ESRRG: variants seen among roughly 807,000 people sequenced by gnomAD.
ESRRG encodes the protein estrogen related receptor gamma.
Under a neutral mutation model 44.0 loss-of-function variants are expected in ESRRG, and 13 were observed. That is an observed-to-expected ratio of 0.30 (90% CI 0.19 to 0.47). The LOEUF (loss-of-function observed/expected upper bound fraction) is 0.47, where lower values mean the gene tolerates loss of function less well. ESRRG is among the 20% of genes least tolerant of loss of function. The probability of loss-of-function intolerance (pLI) is 1.00; values close to 1 mark genes in which losing one functional copy is unlikely to be tolerated. For synonymous variants in ESRRG, 215 were observed against 214.6 expected, an observed-to-expected ratio of 1.00 and a Z score of -0.02; for missense variants, 395 against 580.6, an observed-to-expected ratio of 0.68 and a Z score of 3.29.
chr1:216,521,346 T>C (rs1435517991), intron 5 of ESRRG, among the ~76,000 whole-genome samples: 1 of 152,150 alleles, frequency 6.6e-6, no homozygotes, highest in African/African-American at 2.4e-5. Context: ...AAAACCACAC[T>C]GCTCTTTTTT....
intron 3 of ESRRG, among the ~76,000 whole-genome samples, chr1:216,618,525 T>C (rs2061729509): frequency 6.6e-6 from 1 of 152,222 alleles, no homozygotes; most frequent in African/African-American, 2.4e-5. Context: ...AAATAAGTAA[T>C]ATGTATATAA....
At chr1:217,134,108 T>C (rs991628158) in intron 1 of ESRRG, among the ~76,000 whole-genome samples, 22 of 152,134 alleles carry the variant, frequency 1.4e-4, no homozygotes, top group African/African-American at 5.3e-4. Flanking sequence ...CCCCGGGTCC[T>C]GTCTGAACCA....
chr1:216,808,625 T>C lies in ESRRG; in HGVS notation c.-14+130957A>G, dbSNP rs150706456. On this transcript the variant is annotated intron_variant, in intron 2 of 7. Coordinates refer to the ESRRG transcript ENST00000359162. ...ATTTTTTGTAGATGGGGTTTTGCCA[T>C]GTTGCCCAGGCTAGTCTTGAACTCC... Among the ~76,000 whole-genome samples the C allele has an allele frequency of 2.2e-3, 337 of 152,172 alleles. 2 individuals are homozygous for C. The highest frequency in any genetic ancestry group is 7.7e-3 in the African/African-American group (321 of 41,538).
chr1:216,860,317 A>T (rs1049773735), intron 2 of ESRRG, among the ~76,000 whole-genome samples: 5 of 152,096 alleles, frequency 3.3e-5, no homozygotes, highest in Non-Finnish European at 7.4e-5. Context: ...GCAGACAAAG[A>T]CATTAAAACA....
At chr1:216,564,093 TA>T (rs1316115724) in intron 5 of ESRRG, 125 bp downstream of exon 5, 9 of 510,754 alleles carry the variant, frequency 1.8e-5, no homozygotes, top group Non-Finnish European at 3.0e-5. Flanking sequence ...AAATTATGAT[TA>T]AAAATAAATG....
intron 2 of ESRRG, among the ~76,000 whole-genome samples, chr1:216,796,845 GCAT>G (rs2094482124): frequency 6.6e-6 from 1 of 151,966 alleles, no homozygotes; most frequent in Admixed American, 6.6e-5. Context: ...CAAAATGTCA[GCAT>G]CACTTTTTTA....
chr1:216,588,046 C>G (rs1421926774), intron 3 of ESRRG, among the ~76,000 whole-genome samples: 2 of 152,212 alleles, frequency 1.3e-5, no homozygotes, highest in East Asian at 3.9e-4. Flanking sequence ...ACAGATAGTC[C>G]TGTGAATTTT....
chr1:216,732,254 A>G (rs2088964535), intron 2 of ESRRG, among the ~76,000 whole-genome samples: 1 of 152,124 alleles, frequency 6.6e-6, no homozygotes, highest in Non-Finnish European at 1.5e-5. Context: ...TTGCTGTAGC[A>G]GGTAGAAACT....
intron 1 of ESRRG, among the ~76,000 whole-genome samples, chr1:216,978,244 T>G (rs1412133424): frequency 6.6e-6 from 1 of 152,130 alleles, no homozygotes; most frequent in Non-Finnish European, 1.5e-5. Context: ...AAAAAAAGTT[T>G]TATTGGGACA....
intron 2 of ESRRG, among the ~76,000 whole-genome samples, chr1:216,831,312 C>T (rs2095483838): frequency 6.6e-6 from 1 of 151,994 alleles, no homozygotes; most frequent in Non-Finnish European, 1.5e-5. Context: ...GCAAATTATG[C>T]AAAAACCACA....
At chr1:216,949,905 C>A (rs1050110786) in intron 1 of ESRRG, among the ~76,000 whole-genome samples, 1 of 151,956 alleles carries the variant, frequency 6.6e-6, no homozygotes, top group African/African-American at 2.4e-5. Context: ...CTCCACATCC[C>A]GGGCTCAGGC....
rs1292473878 is a variant in ESRRG, at chr1:217,024,310, A to T, written c.-106+65197T>A. On this transcript the variant is annotated intron_variant, in intron 1 of 7. Transcript: ENST00000359162. ...GAGGTGGAGCTTGCAGTGAGCCGAG[A>T]TTGCACCACTGCACTCCAGCCTGAG... 4.6e-5 allele frequency among the ~76,000 whole-genome samples: 7 copies of T among 151,914 alleles called. No individual in the cohort carries two copies. In the East Asian group the frequency reaches 1.4e-3, roughly 29 times the overall value.
intron 1 of ESRRG, among the ~76,000 whole-genome samples, chr1:216,681,585 A>C (rs1372697264): frequency 1.3e-5 from 2 of 152,186 alleles, no homozygotes; most frequent in Non-Finnish European, 2.9e-5. Context: ...GCATCAAATA[A>C]TTCTGATGAT....
At chr1:217,023,436 G>A (rs1340711143) in intron 1 of ESRRG, among the ~76,000 whole-genome samples, 1 of 152,128 alleles carries the variant, frequency 6.6e-6, no homozygotes, top group African/African-American at 2.4e-5. Context: ...CTTCTTATAG[G>A]AGAAGTTTGA....
intron 2 of ESRRG, among the ~76,000 whole-genome samples, chr1:216,852,142 A>G (rs1472231100): frequency 6.6e-6 from 1 of 152,222 alleles, no homozygotes; most frequent in African/African-American, 2.4e-5. Flanking sequence ...TTTGAGACTT[A>G]AGAAATACCC....
At chr1:216,705,834 C>T (rs1287378372) in intron 1 of ESRRG, among the ~76,000 whole-genome samples, 1 of 152,184 alleles carries the variant, frequency 6.6e-6, no homozygotes, top group Non-Finnish European at 1.5e-5. Context: ...ATTGCAGTCA[C>T]CAGATGGACT....
rs139542549 is a variant in ESRRG, at chr1:216,914,570, A to G, written c.-14+25012T>C. On this transcript the variant is annotated intron_variant, in intron 2 of 7. Coordinates refer to the ESRRG transcript ENST00000359162. ...GACTTTGACCATGTAAACATGTCCA[A>G]TTGTCTGCTGACATTACCAAAAGAA... 3.9e-5 allele frequency among the ~76,000 whole-genome samples: 6 copies of G among 152,338 alleles called. No individual in the cohort carries two copies. The East Asian group carries it at 1.2e-3, about 29-fold the overall frequency.
chr1:216,907,002 G>A (rs112867781), intron 2 of ESRRG, among the ~76,000 whole-genome samples: 3 of 152,152 alleles, frequency 2.0e-5, no homozygotes, highest in African/African-American at 7.2e-5. Flanking sequence ...GTATATGGTG[G>A]GGATGTGTGT....
rs140037009 is a variant in ESRRG at position 216,971,184 on chromosome 1, C to T, written c.-105-31511G>A. 5.8e-3 allele frequency among the ~76,000 whole-genome samples: 888 copies of T among 152,254 alleles called. 11 individuals carry two copies. Among genetic ancestry groups the T allele is most frequent in the African/African-American group, 0.02 (837 of 41,550 alleles). On this transcript the variant is annotated intron_variant, in intron 1 of 7. Coordinates refer to the ESRRG transcript ENST00000359162. ...TTGAGAAAAAAAAATATGTTCTCTC[C>T]TTACAACAGTTTAAAGAGATTCTTA...
Sources: gnomAD v4.1 joint callset for allele counts (sites outside exome capture counted in the v4.1 genomes callset) on GRCh38, gnomAD v4.1.1 for gene constraint, MANE v1.5 for transcripts, NCBI Gene and HGNC (gene_info 2026-07-23, HGNC 2026-07-21) for gene names.